SLC39A8: variants seen among roughly 807,000 people sequenced by gnomAD.
SLC39A8 encodes metal cation symporter ZIP8.
Under a neutral mutation model 40.4 loss-of-function variants are expected in SLC39A8, and 15 were observed. That is an observed-to-expected ratio of 0.37 (90% CI 0.25 to 0.57). SLC39A8 has a LOEUF of 0.57. SLC39A8 is among the 20% of genes least tolerant of loss of function. The pLI is 0.75. For synonymous variants in SLC39A8, 223 were observed against 221.6 expected (o/e 1.01, Z -0.06); for missense variants, 472 against 558.8 (o/e 0.84, Z 1.57).
chr4:102,320,874 T>G (rs1200268289), intron 2 of SLC39A8, among the ~76,000 whole-genome samples: 1 of 151,270 alleles, frequency 6.6e-6, no homozygotes, highest in African/African-American at 2.4e-5. Flanking sequence ...ATGAAATCTG[T>G]TTTTACCACT....
intron 6 of SLC39A8, among the ~76,000 whole-genome samples, chr4:102,287,200 G>C (rs1424663346): frequency 6.6e-6 from 1 of 152,056 alleles, no homozygotes; most frequent in Non-Finnish European, 1.5e-5. Flanking sequence ...TGGCTGGCAG[G>C]TCATAGAGGA....
At position 102,268,078 on chromosome 4, in the gene SLC39A8, T is replaced by C. The variant is rs1732187522; in HGVS notation, c.842A>G (p.Asp281Gly). 12 of 1,613,946 alleles carry C rather than the reference T, an allele frequency of 7.4e-6. No homozygotes were observed. In the Admixed American group the frequency reaches 1.8e-4, roughly 25 times the overall value. ...ACATGAACTTGGCTCTTTTTTTCCATCCTAGCAGAAAATCAATTAAAATGA... is the reference window on the plus strand; with the variant it reads ...ACATGAACTTGGCTCTTTTTTTCCACCCTAGCAGAAAATCAATTAAAATGA... ...FDNVSVVSLQDGKKEPSSCTC... is the reference protein window; with the variant it reads ...FDNVSVVSLQGGKKEPSSCTC... The change falls in exon 7 of 9, where the codon GAT becomes GGT. Residue 281 changes from aspartate (D) to glycine (G), a missense_variant and splice_region_variant. By Grantham distance (94) the Asp-to-Gly change is moderately conservative (BLOSUM62 -1). This residue lies in a region of SLC39A8 where 239 missense variants were observed against 317.9 expected (regional missense o/e 0.75). Coordinates refer to ENST00000356736, the MANE Select transcript of SLC39A8 (RefSeq NM_001135146.2).
intron 6 of SLC39A8, among the ~76,000 whole-genome samples, chr4:102,293,908 G>GA (rs890704419): frequency 1.0e-4 from 15 of 146,652 alleles, no homozygotes; most frequent in Non-Finnish European, 1.8e-4. Flanking sequence ...TCAGAGTTTT[G>GA]TTTTTTTTTT....
rs144709446 is a variant in SLC39A8, at chr4:102,272,845, G to A, written c.841-4766C>T. ...GAGGACCCAGGAAGTGCAAGGAGCC[G>A]GGGACCTCCCTCCTGGAGCCAAAGG... is the stretch of plus-strand genomic sequence containing the variant. On this transcript the variant is annotated intron_variant, in intron 6 of 8. Coordinates refer to ENST00000356736, the MANE Select transcript of SLC39A8 (RefSeq NM_001135146.2). Among the ~76,000 whole-genome samples, 392 of 152,094 alleles carry A rather than the reference G, an allele frequency of 2.6e-3. 3 individuals are homozygous for A. Among genetic ancestry groups the A allele is most frequent in the African/African-American group, 8.7e-3 (360 of 41,498 alleles).
intron 4 of SLC39A8, among the ~76,000 whole-genome samples, chr4:102,305,321 G>A (rs1194321084): frequency 2.6e-5 from 4 of 151,878 alleles, no homozygotes; most frequent in Admixed American, 2.6e-4. Flanking sequence ...CTTACAACTA[G>A]AAGTCTCATT....
chr4:102,335,419 A>G (rs1210836213), intron 2 of SLC39A8, among the ~76,000 whole-genome samples: 2 of 151,954 alleles, frequency 1.3e-5, no homozygotes, highest in Non-Finnish European at 2.9e-5. Flanking sequence ...TCATTCTCTT[A>G]TCTGTTTTCT....
intron 11 of SLC39A8, chr4:102,253,550 C>A: frequency 2.0e-6 from 1 of 501,324 alleles, no homozygotes; most frequent in Admixed American, 3.7e-5. Context: ...CATCTATTAG[C>A]TTTTTTAGAA....
At chr4:102,277,666 C>T (rs1454988441) in intron 6 of SLC39A8, among the ~76,000 whole-genome samples, 1 of 152,136 alleles carries the variant, frequency 6.6e-6, no homozygotes, top group African/African-American at 2.4e-5. Context: ...AAAAAAGAGC[C>T]TGTATAGCCA....
At chr4:102,335,243 A>G (rs1735617394) in intron 2 of SLC39A8, among the ~76,000 whole-genome samples, 1 of 152,212 alleles carries the variant, frequency 6.6e-6, no homozygotes, top group Admixed American at 6.6e-5. Flanking sequence ...AAGGGACTGC[A>G]TGTTTTATAG....
intron 1 of SLC39A8, 94 bp from the exon 2 acceptor site, chr4:102,345,009 C>A: frequency 1.2e-6 from 1 of 804,518 alleles, no homozygotes; most frequent in Non-Finnish European, 1.6e-6. Context: ...AGCCCTCAAA[C>A]GCCCGGCCGG....
At position 102,267,985 on chromosome 4, in the gene SLC39A8, G is replaced by C. The variant is rs759836480; in HGVS notation, c.935C>G (p.Ala312Gly). 6.2e-7 allele frequency: 1 copy of C among 1,614,184 alleles called. No homozygotes were observed. Among genetic ancestry groups the C allele is most frequent in the Middle Eastern group, 1.6e-4 (1 of 6,062 alleles). ...TIAWMITLCD[A>G]LHNFIDGLAI... ...CAGGCCATCGATGAAATTGTGGAGG[G>C]CATCGCAGAGCGTTATCATCCAGGC... Residue 312 changes from alanine to glycine, a missense_variant, in exon 7 of 9, where the codon GCC becomes GGC. Ala to Gly is a moderately conservative substitution (Grantham distance 60). This residue lies in a region of SLC39A8 where 239 missense variants were observed against 317.9 expected (regional missense o/e 0.75). Coordinates refer to ENST00000356736, the MANE Select transcript of SLC39A8 (RefSeq NM_001135146.2).
At chr4:102,276,808 T>A (rs1417261460) in intron 6 of SLC39A8, among the ~76,000 whole-genome samples, 1 of 152,204 alleles carries the variant, frequency 6.6e-6, no homozygotes, top group Non-Finnish European at 1.5e-5. Flanking sequence ...GTAGGCTTCA[T>A]CCCTGGGATG....
chr4:102,270,782 G>T (rs1732320606), intron 6 of SLC39A8, among the ~76,000 whole-genome samples: 1 of 152,136 alleles, frequency 6.6e-6, no homozygotes, highest in Non-Finnish European at 1.5e-5. Context: ...GCAATGTGTA[G>T]TGTTATCAGA....
At chr4:102,296,230 T>C (rs1338472339) in intron 6 of SLC39A8, among the ~76,000 whole-genome samples, 1 of 152,094 alleles carries the variant, frequency 6.6e-6, no homozygotes, top group Admixed American at 6.6e-5. Context: ...TGAGAAAGAA[T>C]GGAATTCTGT....
chr4:102,255,962 A>T (rs556372859), intron 11 of SLC39A8, among the ~76,000 whole-genome samples: 77 of 152,312 alleles, frequency 5.1e-4, no homozygotes, highest in African/African-American at 1.7e-3. Flanking sequence ...CTTAGACATG[A>T]ATTCTGAGGC....
intron 6 of SLC39A8, among the ~76,000 whole-genome samples, chr4:102,282,917 AG>A (rs1732966468): frequency 1.3e-5 from 2 of 152,034 alleles, no homozygotes; most frequent in Non-Finnish European, 2.9e-5. Flanking sequence ...TAGTAGAGAC[AG>A]GGTTTCACCG....
intron 6 of SLC39A8, among the ~76,000 whole-genome samples, chr4:102,277,710 G>C (rs914166399): frequency 2.6e-5 from 4 of 152,110 alleles, no homozygotes; most frequent in Admixed American, 2.6e-4. Context: ...AAAGTTGGAG[G>C]CATCACGCTA....
At chr4:102,256,035 T>G (rs1731701897) in intron 11 of SLC39A8, among the ~76,000 whole-genome samples, 2 of 152,162 alleles carry the variant, frequency 1.3e-5, no homozygotes, top group African/African-American at 4.8e-5. Context: ...AGTAGAAAGA[T>G]CCATATGAAG....
chr4:102,273,613 T>A (rs1732471557), intron 6 of SLC39A8, among the ~76,000 whole-genome samples: 1 of 152,162 alleles, frequency 6.6e-6, no homozygotes, highest in Non-Finnish European at 1.5e-5. Context: ...ACAGACTGCC[T>A]CCTCAAGTGG....
Sources: allele counts gnomAD v4.1 joint callset (sites outside exome capture counted in the v4.1 genomes callset), GRCh38; gene constraint gnomAD v4.1.1; regional missense constraint gnomAD v4.1.1; transcripts MANE v1.5; gene names NCBI Gene and HGNC (gene_info 2026-07-23, HGNC 2026-07-21).